Variants in LIMS1 observed in about 807,000 individuals in gnomAD.
The protein encoded by LIMS1 is LIM and senescent cell antigen-like-containing domain protein 1.
In LIMS1, 18 loss-of-function variants were observed where a neutral mutation model predicts 44.1. The ratio of observed to expected loss-of-function variants is 0.41; its 90% CI spans 0.28 to 0.61. LIMS1 has a LOEUF of 0.61. Ranked by LOEUF, LIMS1 falls within the 20% of genes least tolerant of loss-of-function variation. The probability of loss-of-function intolerance (pLI) is 0.32; values close to 1 mark genes in which losing one functional copy is unlikely to be tolerated. For missense variants in LIMS1, 201 were observed against 422.0 expected, an observed-to-expected ratio of 0.48 and a Z score of 4.59; for synonymous variants, 93 against 149.1, an observed-to-expected ratio of 0.62 and a Z score of 2.74.
intron 1 of LIMS1, among the ~76,000 whole-genome samples, chr2:108,619,125 T>G (rs1428206244): frequency 6.6e-6 from 1 of 152,196 alleles, no homozygotes; most frequent in African/African-American, 2.4e-5. Context: ...GTTTCCTGTC[T>G]GGTTAACCTT....
chr2:108,638,754 T>C (rs774870309), intron 1 of LIMS1, among the ~76,000 whole-genome samples: 22 of 150,498 alleles, frequency 1.5e-4, no homozygotes, highest in South Asian at 6.3e-4. Context: ...TCAAGAAAAC[T>C]AAGCACAGGC....
rs13427546 is a variant in LIMS1, at chr2:108,622,756, A to G, written c.33-36849A>G. Among the ~76,000 whole-genome samples the G allele has an allele frequency of 2.3e-3, 346 of 152,296 alleles. 1 individual carries two copies. Among genetic ancestry groups the G allele is most frequent in the African/African-American group, 7.7e-3 (319 of 41,564 alleles). On this transcript the variant is annotated intron_variant, in intron 1 of 9. Coordinates refer to ENST00000544547, the Ensembl canonical transcript of LIMS1. Reference sequence around the variant, plus strand: ...CATTTATTGGTAGACTCCAGTCTACAATGGATCCAAGAGTGAAGTTACCAA... The same window carrying G: ...CATTTATTGGTAGACTCCAGTCTACGATGGATCCAAGAGTGAAGTTACCAA...
intron 1 of LIMS1, among the ~76,000 whole-genome samples, chr2:108,656,537 G>A (rs1276939058): frequency 6.6e-6 from 1 of 152,190 alleles, no homozygotes; most frequent in South Asian, 2.1e-4. Context: ...AAAACAACAG[G>A]CATTGTGCCA....
At chr2:108,577,546 G>A (rs1685714816) in intron 1 of LIMS1, among the ~76,000 whole-genome samples, 1 of 152,184 alleles carries the variant, frequency 6.6e-6, no homozygotes, top group African/African-American at 2.4e-5. Flanking sequence ...GTATGTATTT[G>A]TTTTCTACTT....
intron 1 of LIMS1, among the ~76,000 whole-genome samples, chr2:108,539,361 A>T (rs941148113): frequency 1.4e-4 from 21 of 152,232 alleles, no homozygotes; most frequent in Non-Finnish European, 2.1e-4. Context: ...CTGGGATTAC[A>T]GGCGCGAGCC....
intron 1 of LIMS1, among the ~76,000 whole-genome samples, chr2:108,641,209 A>G (rs1689646706): frequency 6.6e-6 from 1 of 152,194 alleles, no homozygotes; most frequent in African/African-American, 2.4e-5. Context: ...TTCTTCCAGA[A>G]ATATTTCAAC....
chr2:108,562,850 G>A (rs1481837378), intron 1 of LIMS1, among the ~76,000 whole-genome samples: 2 of 152,204 alleles, frequency 1.3e-5, no homozygotes, highest in African/African-American at 4.8e-5. Flanking sequence ...GCTGGAGAGG[G>A]GAAGTGAATG....
In LIMS1 at chr2:108,644,270, A is replaced by C. The variant is rs1356866609; in HGVS notation, c.33-15335A>C. On this transcript the variant is annotated intron_variant, in intron 1 of 9. Coordinates refer to ENST00000544547, the Ensembl canonical transcript of LIMS1. The stretch of plus-strand genomic sequence containing the variant: ...CTCATACAGGAGAGCTCTGGCTGGC[A>C]TCTGGTGGGTGCCCCTCTGGAATGA... 2.6e-5 allele frequency among the ~76,000 whole-genome samples: 4 copies of C among 152,306 alleles called. No individual in the cohort carries two copies. In the East Asian group the frequency reaches 5.8e-4, roughly 22 times the overall value.
intron 8 of LIMS1, among the ~76,000 whole-genome samples, chr2:108,680,360 C>T (rs1442613766): frequency 8.0e-6 from 1 of 125,456 alleles, no homozygotes; most frequent in Non-Finnish European, 1.6e-5. Flanking sequence ...AGCGAGATTC[C>T]GTCTCAAAAA....
chr2:108,542,680 T>C (rs1373849487), intron 1 of LIMS1, among the ~76,000 whole-genome samples: 8 of 152,210 alleles, frequency 5.3e-5, no homozygotes, highest in African/African-American at 1.7e-4. Flanking sequence ...CCACAGTCCT[T>C]CTTTCTGAAC....
chr2:108,672,479 G>T, intron 4 of LIMS1, 34 bp downstream of exon 4: 1 of 572,490 alleles, frequency 1.7e-6, no homozygotes, highest in Non-Finnish European at 2.8e-6. Flanking sequence ...AGATGTGGGT[G>T]GACAATGTGA....
At chr2:108,640,894 C>G (rs1037556143) in intron 1 of LIMS1, among the ~76,000 whole-genome samples, 2 of 152,130 alleles carry the variant, frequency 1.3e-5, no homozygotes, top group Non-Finnish European at 2.9e-5. Flanking sequence ...TCCTGTTACT[C>G]AGCTGTAATG....
intron 2 of LIMS1, among the ~76,000 whole-genome samples, chr2:108,664,979 T>G (rs1029139347): frequency 3.3e-5 from 5 of 152,224 alleles, no homozygotes; most frequent in Non-Finnish European, 5.9e-5. Flanking sequence ...TCCCAAATCT[T>G]ACTATCATTA....
chr2:108,675,768 C>G, intron 5 of LIMS1, 110 bp from the exon 6 acceptor site: 1 of 1,363,084 alleles, frequency 7.3e-7, no homozygotes, highest in Non-Finnish European at 1.0e-6. Context: ...AAGAAATTTG[C>G]AGGGATTGTC....
chr2:108,584,408 T>TC (rs1686014064), intron 1 of LIMS1, among the ~76,000 whole-genome samples: 1 of 152,072 alleles, frequency 6.6e-6, no homozygotes. Context: ...CCACGTAACC[T>TC]CATTCTGAGC....
At chr2:108,558,995 A>G (rs901287780) in intron 1 of LIMS1, among the ~76,000 whole-genome samples, 4 of 152,194 alleles carry the variant, frequency 2.6e-5, no homozygotes, top group African/African-American at 7.2e-5. Context: ...ATGTACAAAA[A>G]TAACTCTTCA....
intron 1 of LIMS1, among the ~76,000 whole-genome samples, chr2:108,563,217 C>T (rs915438401): frequency 1.3e-5 from 2 of 152,254 alleles, no homozygotes; most frequent in African/African-American, 4.8e-5. Context: ...CCTATTAACA[C>T]AGCATCCATT....
intron 1 of LIMS1, among the ~76,000 whole-genome samples, chr2:108,619,360 C>CTT (rs747176925): frequency 1.5e-5 from 2 of 134,706 alleles, no homozygotes; most frequent in African/African-American, 5.4e-5. Context: ...TGTTTCTGTT[C>CTT]TTTTTTTTTT....
intron 1 of LIMS1, among the ~76,000 whole-genome samples, chr2:108,630,902 C>A (rs1005276756): frequency 1.3e-5 from 2 of 152,182 alleles, no homozygotes; most frequent in Non-Finnish European, 2.9e-5. Context: ...TGGAAAAAAA[C>A]AGTATTTCTT....
Sources: gnomAD v4.1 joint callset for allele counts (sites outside exome capture counted in the v4.1 genomes callset) on GRCh38, gnomAD v4.1.1 for gene constraint, MANE v1.5 for transcripts, NCBI Gene and HGNC (gene_info 2026-07-23, HGNC 2026-07-21) for gene names.